GRM7: variants seen among roughly 807,000 people sequenced by gnomAD.
GRM7 encodes glutamate metabotropic receptor 7, also known as metabotropic glutamate receptor 7.
A neutral mutation model predicts 84.5 loss-of-function variants in GRM7; 35 were observed. That is an observed-to-expected ratio of 0.41 (90% CI 0.32 to 0.55). The LOEUF (loss-of-function observed/expected upper bound fraction) is 0.55. GRM7 is among the 20% of genes least tolerant of loss of function. GRM7 has a pLI of 0.19. For synonymous variants in GRM7, 487 were observed against 455.1 expected, an observed-to-expected ratio of 1.07 and a Z score of -0.89; for missense variants, 1,003 against 1,194.6, an observed-to-expected ratio of 0.84 and a Z score of 2.36.
At chr3:7,089,989 C>T (rs561524841) in intron 1 of GRM7, among the ~76,000 whole-genome samples, 13 of 151,990 alleles carry the variant, frequency 8.6e-5, no homozygotes, top group Admixed American at 3.9e-4. Context: ...ATTACAGGTG[C>T]GCACCACCAT....
At chr3:7,693,317 C>T (rs956363380) in intron 9 of GRM7, among the ~76,000 whole-genome samples, 1 of 152,112 alleles carries the variant, frequency 6.6e-6, no homozygotes, top group Non-Finnish European at 1.5e-5. Flanking sequence ...GATTTGCTAA[C>T]ATTAAAAAAT....
At chr3:7,282,256 A>T (rs1250267662) in intron 2 of GRM7, among the ~76,000 whole-genome samples, 1 of 152,228 alleles carries the variant, frequency 6.6e-6, no homozygotes, top group Non-Finnish European at 1.5e-5. Context: ...TTATCTTACT[A>T]TACTGGAGGT....
intron 1 of GRM7, among the ~76,000 whole-genome samples, chr3:7,124,178 A>C (rs1693318372): frequency 6.6e-6 from 1 of 152,212 alleles, no homozygotes; most frequent in Non-Finnish European, 1.5e-5. Flanking sequence ...AAAGACATTA[A>C]ATCAGAAATT....
intron 4 of GRM7, among the ~76,000 whole-genome samples, chr3:7,338,460 G>A (rs57570557): frequency 0.039 from 5,942 of 151,924 alleles, 244 homozygotes; most frequent in African/African-American, 0.11. Context: ...TATTCATGTA[G>A]CTGAACACCA....
At chr3:7,419,796 A>G (rs899006747) in intron 5 of GRM7, among the ~76,000 whole-genome samples, 45 of 152,304 alleles carry the variant, frequency 3.0e-4, no homozygotes, top group African/African-American at 1.0e-3. Flanking sequence ...ACAATTTAAC[A>G]TTCAGAGATT....
intron 4 of GRM7, among the ~76,000 whole-genome samples, chr3:7,393,454 G>A (rs960614266): frequency 6.6e-6 from 1 of 152,174 alleles, no homozygotes; most frequent in Non-Finnish European, 1.5e-5. Flanking sequence ...CTGTTTCCCT[G>A]TGTCCAGGGG....
chr3:7,027,590 G>C (rs1696026471), intron 1 of GRM7, among the ~76,000 whole-genome samples: 1 of 151,826 alleles, frequency 6.6e-6, no homozygotes, highest in African/African-American at 2.4e-5. Flanking sequence ...CCTCTCTTCT[G>C]CTGGCTCTCC....
At chr3:7,129,091 C>T (rs918989006) in intron 1 of GRM7, among the ~76,000 whole-genome samples, 5 of 152,136 alleles carry the variant, frequency 3.3e-5, no homozygotes, top group Non-Finnish European at 5.9e-5. Flanking sequence ...GTTAGGAGTG[C>T]ACCAATTTAG....
chr3:7,005,305 A>T (rs1002978842), intron 1 of GRM7, among the ~76,000 whole-genome samples: 2 of 152,184 alleles, frequency 1.3e-5, no homozygotes, highest in Admixed American at 1.3e-4. Flanking sequence ...CCAATTAGGC[A>T]TTGGTTTGCT....
chr3:7,017,609 G>A (rs1349510737), intron 1 of GRM7, among the ~76,000 whole-genome samples: 1 of 152,106 alleles, frequency 6.6e-6, no homozygotes, highest in East Asian at 1.9e-4. Context: ...AAGTTGTGCT[G>A]GTGATTCTCC....
At chr3:7,697,921 C>T (rs950332772) in intron 9 of GRM7, among the ~76,000 whole-genome samples, 15 of 152,140 alleles carry the variant, frequency 9.9e-5, no homozygotes, top group Admixed American at 3.3e-4. Flanking sequence ...AATTTAAAAC[C>T]AGGCTTCTTG....
intron 2 of GRM7, among the ~76,000 whole-genome samples, chr3:7,161,499 A>G (rs1014322148): frequency 2.0e-5 from 3 of 152,076 alleles, no homozygotes; most frequent in African/African-American, 4.8e-5. Flanking sequence ...TACTACAGGA[A>G]TAAAACCAGT....
chr3:7,104,943 T>A (rs1443663047), intron 1 of GRM7, among the ~76,000 whole-genome samples: 1 of 151,860 alleles, frequency 6.6e-6, no homozygotes, highest in African/African-American at 2.4e-5. Flanking sequence ...AATATACACA[T>A]GGCATTAATT....
intron 2 of GRM7, among the ~76,000 whole-genome samples, chr3:7,265,776 A>G (rs1698613127): frequency 6.6e-6 from 1 of 152,202 alleles, no homozygotes; most frequent in South Asian, 2.1e-4. Flanking sequence ...ACAAAACATG[A>G]CAGGCCACCT....
intron 1 of GRM7, among the ~76,000 whole-genome samples, chr3:7,053,420 T>A (rs542558973): frequency 6.6e-6 from 1 of 151,758 alleles, no homozygotes; most frequent in South Asian, 2.1e-4. Context: ...TATCCCTGTT[T>A]CTGTCTTTTA....
In GRM7 at chr3:7,306,589, C is replaced by T. The variant is rs140403862; in HGVS notation, c.970C>T (p.His324Tyr). 95 of 1,613,654 alleles carry T rather than the reference C, an allele frequency of 5.9e-5. No individual in the cohort carries two copies. The highest frequency in any genetic ancestry group is 7.9e-5 in the Non-Finnish European group (93 of 1,179,808). Reference protein sequence around the residue: ...DSWGSKINPLHQHEDIAEGAI... With the variant: ...DSWGSKINPLYQHEDIAEGAI... The stretch of plus-strand genomic sequence containing the variant: ...CTGGGGATCCAAAATAAACCCACTG[C>T]ACCAGCATGAAGATATCGCAGAAGG... Residue 324 changes from histidine to tyrosine, a missense_variant, in exon 4 of 10, where the codon CAC (histidine) becomes TAC (tyrosine). Transcript: ENST00000357716.
chr3:7,105,674 C>T (rs977353502), intron 1 of GRM7, among the ~76,000 whole-genome samples: 10 of 151,478 alleles, frequency 6.6e-5, no homozygotes, highest in African/African-American at 2.4e-4. Context: ...ATTCACTTTC[C>T]CTTAATTTTC....
intron 7 of GRM7, among the ~76,000 whole-genome samples, chr3:7,506,202 G>C (rs1231883845): frequency 1.3e-5 from 2 of 152,140 alleles, no homozygotes; most frequent in Non-Finnish European, 2.9e-5. Context: ...TAACAAGGTG[G>C]AGGAGGGGGT....
At chr3:7,515,360 A>G (rs1236659395) in intron 7 of GRM7, among the ~76,000 whole-genome samples, 2 of 152,180 alleles carry the variant, frequency 1.3e-5, no homozygotes, top group African/African-American at 4.8e-5. Flanking sequence ...TAGCTTTGGC[A>G]GCATCCCTGG....
Sources: gnomAD v4.1 joint callset for allele counts (sites outside exome capture counted in the v4.1 genomes callset) on GRCh38, gnomAD v4.1.1 for gene constraint, MANE v1.5 for transcripts, NCBI Gene and HGNC (gene_info 2026-07-23, HGNC 2026-07-21) for gene names.